EBF2: variants seen among roughly 807,000 people sequenced by gnomAD.
The protein encoded by EBF2 is transcription factor COE2.
In EBF2, 21 loss-of-function variants were observed where a neutral mutation model predicts 72.8. That is an observed-to-expected ratio of 0.29 (90% CI 0.20 to 0.42). The LOEUF is 0.42. Among genes scored for constraint, EBF2 ranks in the 10% least tolerant of loss-of-function variants. The pLI, the probability that EBF2 is intolerant of heterozygous loss-of-function variation, is 1.00. For synonymous variants in EBF2, 299 were observed against 274.2 expected, an observed-to-expected ratio of 1.09 and a Z score of -0.89; for missense variants, 637 against 731.2, an observed-to-expected ratio of 0.87 and a Z score of 1.49.
intron 6 of EBF2, among the ~76,000 whole-genome samples, chr8:25,966,116 T>C (rs114131320): frequency 0.011 from 1,678 of 152,344 alleles, 44 homozygotes; most frequent in African/African-American, 0.038. Flanking sequence ...CAGGCCAGGC[T>C]GGCTCCTTCT....
chr8:25,852,440 G>A (rs1200761473), intron 14 of EBF2, among the ~76,000 whole-genome samples: 1 of 152,164 alleles, frequency 6.6e-6, no homozygotes, highest in Non-Finnish European at 1.5e-5. Flanking sequence ...TGGTTTCCCT[G>A]TCTACAACAG....
At chr8:25,990,188 T>TACACACACAC (rs60406400) in intron 6 of EBF2, among the ~76,000 whole-genome samples, 6 of 146,268 alleles carry the variant, frequency 4.1e-5, no homozygotes, top group African/African-American at 5.0e-5. Context: ...CTATGGGTTA[T>TACACACACAC]ACACACACAC....
chr8:25,982,294 A>G (rs958261557), intron 6 of EBF2, among the ~76,000 whole-genome samples: 6 of 152,226 alleles, frequency 3.9e-5, no homozygotes, highest in Admixed American at 6.5e-5. Context: ...ACTGCCTAGA[A>G]CACCCACACT....
At chr8:25,947,780 A>G (rs879822542) in intron 6 of EBF2, among the ~76,000 whole-genome samples, 4 of 152,186 alleles carry the variant, frequency 2.6e-5, no homozygotes, top group Non-Finnish European at 5.9e-5. Context: ...ACCCTTCTTC[A>G]TCTTCACCCA....
chr8:25,981,121 C>A (rs1005044329), intron 6 of EBF2, among the ~76,000 whole-genome samples: 1 of 152,180 alleles, frequency 6.6e-6, no homozygotes, highest in African/African-American at 2.4e-5. Context: ...TCCTTCTTCA[C>A]CCTCCCTGAT....
At position 26,020,511 on chromosome 8, in the gene EBF2, T is replaced by G. The variant is rs141432325; in HGVS notation, c.551+12574A>C. 3.0e-3 allele frequency among the ~76,000 whole-genome samples: 462 copies of G among 152,286 alleles called. 4 individuals are homozygous for G. Among genetic ancestry groups the G allele is most frequent in the African/African-American group, 0.011 (439 of 41,554 alleles). ...CCAGGGTGCAAGTCGCTAAGGGAAA[T>G]GTTTCTCATTGCCTGAGTAGGAATC... On this transcript the variant is annotated intron_variant, in intron 6 of 15. Transcript: ENST00000520164.
chr8:25,969,859 C>G lies in EBF2; in HGVS notation c.552-61304G>C, dbSNP rs544953414. ...AACTGAGACTACAGGCACATGCCACCGTGCCTGACAGCAATATCTGTTTCT... is the reference window on the plus strand; with the variant it reads ...AACTGAGACTACAGGCACATGCCACGGTGCCTGACAGCAATATCTGTTTCT... On this transcript the variant is annotated intron_variant, in intron 6 of 15. Coordinates refer to ENST00000520164, the MANE Select transcript of EBF2 (RefSeq NM_022659.4). Among the ~76,000 whole-genome samples the G allele has an allele frequency of 2.6e-5, 4 of 152,278 alleles. No individual in the cohort carries two copies. The South Asian group carries it at 6.2e-4, about 24-fold the overall frequency.
chr8:25,990,095 T>A (rs1804520897), intron 6 of EBF2, among the ~76,000 whole-genome samples: 1 of 151,958 alleles, frequency 6.6e-6, no homozygotes, highest in African/African-American at 2.4e-5. Flanking sequence ...TACAAAGACA[T>A]CTTACTGAAA....
At chr8:25,994,228 G>A (rs577700532) in intron 6 of EBF2, among the ~76,000 whole-genome samples, 16 of 151,914 alleles carry the variant, frequency 1.1e-4, no homozygotes, top group African/African-American at 1.9e-4. Context: ...GAAGATACAC[G>A]AAAACTTGAT....
chr8:26,028,439 T>C (rs915004529), intron 6 of EBF2, among the ~76,000 whole-genome samples: 1 of 152,202 alleles, frequency 6.6e-6, no homozygotes, highest in African/African-American at 2.4e-5. Context: ...AGTACGCACA[T>C]GGGTAGCCTA....
chr8:25,920,226 T>C (rs1803285063), intron 6 of EBF2, among the ~76,000 whole-genome samples: 1 of 152,248 alleles, frequency 6.6e-6, no homozygotes, highest in Non-Finnish European at 1.5e-5. Context: ...ATGCTTTTCT[T>C]TCAGATTCCT....
At chr8:26,004,586 A>T (rs1804800587) in intron 6 of EBF2, among the ~76,000 whole-genome samples, 1 of 150,064 alleles carries the variant, frequency 6.7e-6, no homozygotes, top group Non-Finnish European at 1.5e-5. Flanking sequence ...GAGGCACACG[A>T]ATTGTTGGAA....
intron 10 of EBF2, among the ~76,000 whole-genome samples, chr8:25,879,509 C>A (rs537267649): frequency 5.3e-4 from 80 of 152,212 alleles, no homozygotes; most frequent in African/African-American, 1.9e-3. Context: ...ATGACACCTA[C>A]CCATCTCCTT....
Position 25,886,828 on chromosome 8 carries a change from G to A in EBF2, c.936C>T (p.Gly312=), listed in dbSNP as rs202043511. ...TATAAGATAATGTCACCTCTACCAC[G>A]CCTGGGATGTGCCGGGGAGGAGTCT... is the stretch of plus-strand genomic sequence containing the variant. The part of the protein sequence containing the change: ...RVQTPPRHIP[G]VVEVTLSYKS... The change falls in exon 10 of 16, where the codon GGC becomes GGT. Residue 312 remains glycine (G), a synonymous_variant. Transcript: ENST00000520164. The A allele has an allele frequency of 1.2e-4, 189 of 1,613,260 alleles. No homozygotes were observed. The highest frequency in any genetic ancestry group is 1.5e-4 in the Non-Finnish European group (172 of 1,179,638).
Position 25,846,225 on chromosome 8 carries a change from GT to G in EBF2, c.1697-1586del, listed in dbSNP as rs1308572016. ...TAGTAATTATCCCAGAGTGTAGGAG[GT>G]TTTTTTATTTTATTTTTTTTTTCCT... On this transcript the variant is annotated intron_variant, in intron 15 of 15. Transcript: ENST00000520164. Among the ~76,000 whole-genome samples the G allele has an allele frequency of 1.4e-4, 21 of 146,192 alleles. 1 individual carries two copies. Among genetic ancestry groups the G allele is most frequent in the Non-Finnish European group, 2.1e-4 (14 of 66,234 alleles).
rs185801402 is a variant in EBF2 at position 25,940,218 on chromosome 8, G to T, written c.552-31663C>A. On this transcript the variant is annotated intron_variant, in intron 6 of 15. Transcript: ENST00000520164. The stretch of plus-strand genomic sequence containing the variant: ...TAAAGCTAGTGGCAGAACCAGGGTT[G>T]CTATGACTTATGTTTGAAGAGTATT... Among the ~76,000 whole-genome samples, 310 of 152,288 alleles carry T rather than the reference G, an allele frequency of 2.0e-3. 2 individuals are homozygous for T. The highest frequency in any genetic ancestry group is 7.1e-3 in the African/African-American group (295 of 41,542).
At position 25,844,660 on chromosome 8, in the gene EBF2, C is replaced by G; in HGVS notation, c.1697-20G>C. On this transcript the variant is annotated intron_variant, in intron 15 of 15. Transcript: ENST00000520164. ...TCATGGCTGCAAGGAAAGAGTGGCA[C>G]AGGAATGAGACTTGGGGACTTTTTA... 1 of 1,613,846 alleles carries G rather than the reference C, an allele frequency of 6.2e-7. No individual in the cohort carries two copies. Among genetic ancestry groups the G allele is most frequent in the Non-Finnish European group, 8.5e-7 (1 of 1,179,834 alleles).
Position 26,040,025 on chromosome 8 carries a change from T to C in EBF2, c.482+3A>G. 2 of 1,613,812 alleles carry C rather than the reference T, an allele frequency of 1.2e-6. No individual in the cohort carries two copies. The highest frequency in any genetic ancestry group is 1.7e-6 in the Non-Finnish European group (2 of 1,179,816). ...GGAAGGCCTGGGAAAAGGCGGCTCT[T>C]ACCTACACATCACTTCGTGCGTCAG... On this transcript the variant is annotated splice_donor_region_variant and intron_variant, in intron 5 of 15. Transcript: ENST00000520164.
At chr8:25,844,717 G>A in intron 15 of EBF2, 77 bp from the exon 16 acceptor site, 1 of 1,557,710 alleles carries the variant, frequency 6.4e-7, no homozygotes, top group South Asian at 1.1e-5. Context: ...ATGAGGGGCA[G>A]GGGATGGGAA....
Sources: allele counts gnomAD v4.1 joint callset (sites outside exome capture counted in the v4.1 genomes callset), GRCh38; gene constraint gnomAD v4.1.1; transcripts MANE v1.5; gene names NCBI Gene and HGNC (gene_info 2026-07-23, HGNC 2026-07-21).